Variants in FRAS1 observed in about 807,000 individuals in gnomAD.
The protein encoded by FRAS1 is Fraser extracellular matrix complex subunit 1, also known as extracellular matrix organizing protein FRAS1.
In FRAS1, 290 loss-of-function variants were observed where a neutral mutation model predicts 435.2. The observed-to-expected ratio is 0.67, with a 90% CI of 0.61 to 0.73. FRAS1 has a LOEUF of 0.73. FRAS1 is among the 30% of genes least tolerant of loss of function. The pLI, the probability that FRAS1 is intolerant of heterozygous loss-of-function variation, is 0.00. For synonymous variants in FRAS1, 1,800 were observed against 1,851.0 expected, an observed-to-expected ratio of 0.97 and a Z score of 0.71; for missense variants, 4,860 against 5,001.5, an observed-to-expected ratio of 0.97 and a Z score of 0.85.
At chr4:78,085,328 A>G (rs994436664) in intron 2 of FRAS1, among the ~76,000 whole-genome samples, 3 of 152,114 alleles carry the variant, frequency 2.0e-5, no homozygotes, top group Non-Finnish European at 4.4e-5. Context: ...CCTGCCTATC[A>G]TTGTTGGTCT....
At chr4:78,308,000 A>G (rs1427914364) in intron 14 of FRAS1, 66 bp from the exon 15 acceptor site, 6 of 1,480,896 alleles carry the variant, frequency 4.1e-6, no homozygotes, top group Admixed American at 2.3e-5. Context: ...TAAAATATTT[A>G]AAAGAAAAAT....
rs1724815844 is a variant in FRAS1, at chr4:78,237,578, A to G, written c.177A>G (p.Lys59=). ...GCCATGGTGATATTGTTATCTGCAA[A>G]CCTGCTGTTTGCAGAAACCCTCAAT... The part of the protein sequence containing the change: ...CRCHGDIVIC[K]PAVCRNPQCA... The change falls in exon 3 of 74, where the codon AAA becomes AAG. Residue 59 remains lysine (K), a synonymous_variant. Transcript: ENST00000512123. The G allele has an allele frequency of 6.2e-7, 1 of 1,612,416 alleles. No individual in the cohort carries two copies. Among genetic ancestry groups the G allele is most frequent in the Admixed American group, 1.7e-5 (1 of 59,924 alleles).
intron 2 of FRAS1, among the ~76,000 whole-genome samples, chr4:78,134,573 G>A (rs1022517715): frequency 2.6e-5 from 4 of 152,164 alleles, no homozygotes; most frequent in African/African-American, 9.7e-5. Flanking sequence ...TCTTTCTCCT[G>A]CCTGAATCAC....
At chr4:78,329,608 G>A (rs995822422) in intron 18 of FRAS1, among the ~76,000 whole-genome samples, 1 of 152,186 alleles carries the variant, frequency 6.6e-6, no homozygotes, top group Non-Finnish European at 1.5e-5. Context: ...TCTGTTATGT[G>A]GCTTGGAGAT....
chr4:78,412,831 T>C (rs1733393726), intron 31 of FRAS1, 138 bp from the exon 32 acceptor site: 1 of 439,122 alleles, frequency 2.3e-6, no homozygotes, highest in African/African-American at 2.0e-5. Context: ...TATTAAAATA[T>C]GAAGGGCAGA....
At chr4:78,143,115 C>T (rs1720261836) in intron 2 of FRAS1, among the ~76,000 whole-genome samples, 3 of 151,812 alleles carry the variant, frequency 2.0e-5, no homozygotes, top group Non-Finnish European at 1.5e-5. Flanking sequence ...TTAAAAGAAA[C>T]ATATATTAAA....
chr4:78,096,239 G>A lies in FRAS1; in HGVS notation c.108+30223G>A, dbSNP rs776361466. 6.6e-5 allele frequency among the ~76,000 whole-genome samples: 10 copies of A among 152,358 alleles called. No individual in the cohort carries two copies. In the East Asian group the frequency reaches 7.7e-4, roughly 12 times the overall value. On this transcript the variant is annotated intron_variant, in intron 2 of 73. Coordinates refer to ENST00000512123, the MANE Select transcript of FRAS1 (RefSeq NM_025074.7). ...GCATCCCGGTCACACTGATGCAAGA[G>A]GGGGGTTCCCATGGTCTTGGGAAGC...
chr4:78,193,795 T>G (rs1409432583), intron 2 of FRAS1, among the ~76,000 whole-genome samples: 1 of 152,222 alleles, frequency 6.6e-6, no homozygotes, highest in African/African-American at 2.4e-5. Flanking sequence ...TTGTTATGTG[T>G]GAATTTGATC....
In FRAS1 at chr4:78,333,302, G is replaced by C; in HGVS notation, c.2168G>C (p.Gly723Ala). The change falls in exon 19 of 74, where the codon GGG (glycine) becomes GCG (alanine). Residue 723 changes from glycine to alanine, a missense_variant. Physicochemically the swap from Gly to Ala is moderately conservative, Grantham distance 60. Transcript: ENST00000512123. ...ACHQSCFRCA[G>A]KSPHNCTDCG... ...CACCAGTCCTGTTTCAGATGTGCAG[G>C]GAAAAGCCCACATAACTGCACAGAC... 6.2e-7 allele frequency: 1 copy of C among 1,610,822 alleles called. No homozygotes were observed.
chr4:78,249,048 G>GATATATATATATATGCATATATAT (rs1435193720), intron 4 of FRAS1, among the ~76,000 whole-genome samples: 1 of 27,530 alleles, frequency 3.6e-5, no homozygotes, highest in African/African-American at 8.4e-5. Context: ...AAGAACTACT[G>GATATATATATATATGCATATATAT]ATATATATAT....
At chr4:78,305,894 A>T (rs1163358716) in intron 14 of FRAS1, among the ~76,000 whole-genome samples, 2 of 150,042 alleles carry the variant, frequency 1.3e-5, no homozygotes, top group Admixed American at 6.7e-5. Flanking sequence ...TGTGAATTTG[A>T]TCCTGTCATT....
At chr4:78,276,014 C>A (rs949869986) in intron 9 of FRAS1, among the ~76,000 whole-genome samples, 5 of 152,160 alleles carry the variant, frequency 3.3e-5, no homozygotes, top group African/African-American at 4.8e-5. Context: ...TTGTTCATTT[C>A]TTTTTATTCT....
At chr4:78,193,079 G>A (rs996153732) in intron 2 of FRAS1, among the ~76,000 whole-genome samples, 14 of 152,148 alleles carry the variant, frequency 9.2e-5, no homozygotes, top group South Asian at 2.1e-4. Flanking sequence ...GTAGTTGAGC[G>A]GTTTTGAGTG....
Position 78,298,003 on chromosome 4 carries a change from CCTCTCTCTCTCTCT to C in FRAS1, c.1535-10048_1535-10035del, listed in dbSNP as rs765903880. 8.4e-5 allele frequency among the ~76,000 whole-genome samples: 10 copies of C among 119,266 alleles called. No individual in the cohort carries two copies. The South Asian group carries it at 1.3e-3, about 16-fold the overall frequency. 78.2% of individuals were successfully genotyped at this position (119,266 alleles called of 152,430 possible). A position where few individuals can be genotyped will look rare whatever the true frequency, so the allele number is the denominator to read the frequency against. On this transcript the variant is annotated intron_variant, in intron 14 of 73. Transcript: ENST00000512123. ...GGGAAGATGGGTATGTTAATTTGTTCCTCTCTCTCTCTCTCTCTCTCTCTCTCTATATATATATA... is the reference window on the plus strand; with the variant it reads ...GGGAAGATGGGTATGTTAATTTGTTCCTCTCTCTCTCTCTATATATATATA...
Position 78,473,989 on chromosome 4 carries a change from G to C in FRAS1, c.7682+392G>C, listed in dbSNP as rs1031466003. On this transcript the variant is annotated intron_variant, in intron 53 of 73. Coordinates refer to ENST00000512123, the MANE Select transcript of FRAS1 (RefSeq NM_025074.7). Reference sequence around the variant, plus strand: ...TGCTCAGACAAATGTTTTTGCTTCTGTCTCTTCAAGTTTTAGAAGAGAGTC... The same window carrying C: ...TGCTCAGACAAATGTTTTTGCTTCTCTCTCTTCAAGTTTTAGAAGAGAGTC... Among the ~76,000 whole-genome samples the C allele has an allele frequency of 3.8e-4, 58 of 151,926 alleles. 2 individuals are homozygous for C. Among genetic ancestry groups the C allele is most frequent in the Non-Finnish European group, 1.8e-4 (12 of 67,914 alleles).
intron 58 of FRAS1, among the ~76,000 whole-genome samples, chr4:78,482,798 G>A (rs11098196): frequency 6.6e-6 from 1 of 151,830 alleles, no homozygotes. Context: ...GTCTCCCTGT[G>A]GAATCAGACC....
chr4:78,321,084 T>C (rs76291583), intron 18 of FRAS1, among the ~76,000 whole-genome samples: 4,356 of 152,242 alleles, frequency 0.029, 216 homozygotes, highest in African/African-American at 0.096. Context: ...TAGTTAGAAT[T>C]GTAAATAAAT....
intron 40 of FRAS1, 99 bp from the exon 41 acceptor site, chr4:78,441,063 T>A (rs1005543213): frequency 1.7e-6 from 2 of 1,182,120 alleles, no homozygotes; most frequent in Non-Finnish European, 2.4e-6. Flanking sequence ...GCAGAATTGG[T>A]GCTAGAAGGT....
intron 42 of FRAS1, chr4:78,446,043 C>T: frequency 2.5e-6 from 3 of 1,198,204 alleles, no homozygotes; most frequent in Non-Finnish European, 3.1e-6. Flanking sequence ...GTGTTTGGTT[C>T]TATATGCATA....
Sources: gnomAD v4.1 joint callset for allele counts (sites outside exome capture counted in the v4.1 genomes callset) on GRCh38, gnomAD v4.1.1 for gene constraint, MANE v1.5 for transcripts, NCBI Gene and HGNC (gene_info 2026-07-23, HGNC 2026-07-21) for gene names.